Variants in ZNF469 observed in about 807,000 individuals in gnomAD.
ZNF469 encodes zinc finger protein 469.
A neutral mutation model predicts 1.0 loss-of-function variants in ZNF469; 1 was observed. That is an observed-to-expected ratio of 1.00 (90% CI 0.35 to 4.73). The LOEUF (loss-of-function observed/expected upper bound fraction) is 4.73, where lower values mean the gene tolerates loss of function less well. Among genes scored for constraint, ZNF469 ranks in the 30% most tolerant of loss-of-function variants. The pLI is 0.16. For missense variants in ZNF469, 6,100 were observed against 5,356.3 expected, an observed-to-expected ratio of 1.14 and a Z score of -4.33; for synonymous variants, 2,703 against 2,363.4, an observed-to-expected ratio of 1.14 and a Z score of -4.17.
At chr16:88,117,677 C>T in the ZNF469 span, among the ~76,000 whole-genome samples, 19 of 152,218 alleles carry the variant, frequency 1.2e-4, no homozygotes, top group Admixed American at 5.2e-4. Flanking sequence ...GGAGGTGCCA[C>T]GTGTCTTCGG....
chr16:88,437,368 G>T lies in ZNF469; in HGVS notation c.9898G>T (p.Gly3300Cys). 1 of 1,540,340 alleles carries T rather than the reference G, an allele frequency of 6.5e-7. No homozygotes were observed. Among genetic ancestry groups the T allele is most frequent in the Non-Finnish European group, 8.8e-7 (1 of 1,142,390 alleles). The part of the protein sequence containing the change: ...SASATALADA[G>C]SPGPPRTTPS... Reference sequence around the variant, plus strand: ...CTCTGCCACCGCCCTGGCTGACGCCGGCAGCCCGGGCCCCCCCAGGACGAC... The same window carrying T: ...CTCTGCCACCGCCCTGGCTGACGCCTGCAGCCCGGGCCCCCCCAGGACGAC... Residue 3300 changes from glycine (G) to cysteine (C), a missense_variant, in exon 3 of 3, where the codon GGC (glycine) becomes TGC (cysteine). By Grantham distance (159) the Gly-to-Cys change is radical. Coordinates refer to ENST00000565624, the MANE Select transcript of ZNF469 (RefSeq NM_001367624.2).
At chr16:88,131,064 G>C in the ZNF469 span, among the ~76,000 whole-genome samples, 1 of 152,252 alleles carries the variant, frequency 6.6e-6, no homozygotes, top group Admixed American at 6.5e-5. Context: ...TTTCTGGCGG[G>C]TGAAATTGCA....
At chr16:88,420,018 C>T (rs748207138) in intron 1 of ZNF469, among the ~76,000 whole-genome samples, 28 of 152,228 alleles carry the variant, frequency 1.8e-4, no homozygotes, top group Non-Finnish European at 2.6e-4. Context: ...GCAGGTTCAG[C>T]TCTCAGCCAT....
At chr16:88,275,706 G>T in the ZNF469 span, among the ~76,000 whole-genome samples, 4 of 152,196 alleles carry the variant, frequency 2.6e-5, no homozygotes, top group Non-Finnish European at 4.4e-5. Context: ...TGTTTGTCAC[G>T]AGCCTGATTT....
intron 1 of ZNF469, among the ~76,000 whole-genome samples, chr16:88,397,622 TGG>T (rs1567500415): frequency 2.8e-3 from 403 of 144,650 alleles, no homozygotes; most frequent in African/African-American, 0.01. Context: ...GATGGATGGG[TGG>T]ATGGATGGAT....
At chr16:88,132,466 A>G in the ZNF469 span, among the ~76,000 whole-genome samples, 1 of 152,178 alleles carries the variant, frequency 6.6e-6, no homozygotes, top group Non-Finnish European at 1.5e-5. Flanking sequence ...CTCCAGCTCC[A>G]TGGGGCTCGA....
the ZNF469 span, among the ~76,000 whole-genome samples, chr16:88,350,153 A>T: frequency 2.0e-5 from 3 of 152,162 alleles, no homozygotes; most frequent in African/African-American, 4.8e-5. Context: ...TAGTAACCGA[A>T]GGTCAAACAC....
the ZNF469 span, among the ~76,000 whole-genome samples, chr16:88,110,897 C>T: frequency 6.6e-6 from 1 of 152,202 alleles, no homozygotes; most frequent in African/African-American, 2.4e-5. Context: ...TGTGGGGCCT[C>T]GGGACAGGCA....
the ZNF469 span, among the ~76,000 whole-genome samples, chr16:88,113,237 G>C: frequency 3.3e-5 from 5 of 152,152 alleles, no homozygotes; most frequent in Non-Finnish European, 7.3e-5. Flanking sequence ...TGGAGGTCTT[G>C]GATTCCAGAC....
the ZNF469 span, among the ~76,000 whole-genome samples, chr16:88,213,209 C>A: frequency 1.8e-4 from 27 of 152,212 alleles, no homozygotes; most frequent in African/African-American, 6.5e-4. Flanking sequence ...CGCCACTCTC[C>A]TGCCTCAGCC....
chr16:88,193,066 ATGGTGGTGG>A, the ZNF469 span, among the ~76,000 whole-genome samples: 3 of 46,216 alleles, frequency 6.5e-5, no homozygotes, highest in East Asian at 1.2e-3. Context: ...GATGGTGGTG[ATGGTGGTGG>A]TGGTGATGGT....
the ZNF469 span, among the ~76,000 whole-genome samples, chr16:88,102,290 G>A: frequency 2.0e-5 from 3 of 152,188 alleles, no homozygotes; most frequent in East Asian, 1.9e-4. Flanking sequence ...GCCAAGGCGG[G>A]TGGATCACCT....
chr16:88,192,886 GTGGTGGTGA>G, the ZNF469 span, among the ~76,000 whole-genome samples: 1 of 18,352 alleles, frequency 5.4e-5, no homozygotes, highest in African/African-American at 2.0e-4. Flanking sequence ...GATGATGATG[GTGGTGGTGA>G]TGGTGGTGAT....
the ZNF469 span, chr16:88,302,605 T>A: frequency 1.3e-5 from 2 of 152,098 alleles, no homozygotes; most frequent in African/African-American, 4.8e-5. Flanking sequence ...AGATACAGGG[T>A]CAGGCTGTGT....
At chr16:88,380,220 C>A (rs112660336), upstream of ZNF469, among the ~76,000 whole-genome samples, 76 of 143,500 alleles carry the variant, frequency 5.3e-4, no homozygotes, top group African/African-American at 1.7e-3. Context: ...CACACAAATG[C>A]ACTCACAGAC....
chr16:88,132,296 C>T, the ZNF469 span, among the ~76,000 whole-genome samples: 9 of 152,264 alleles, frequency 5.9e-5, no homozygotes, highest in Non-Finnish European at 1.3e-4. Context: ...GACGGACGCT[C>T]TCTCTGTCCT....
the ZNF469 span, among the ~76,000 whole-genome samples, chr16:88,211,757 T>C: frequency 6.6e-6 from 1 of 152,184 alleles, no homozygotes; most frequent in Non-Finnish European, 1.5e-5. Context: ...TCTCCACAAA[T>C]TCTGTCCTTT....
At chr16:88,277,718 G>A in the ZNF469 span, among the ~76,000 whole-genome samples, 1 of 78,634 alleles carries the variant, frequency 1.3e-5, no homozygotes, top group Non-Finnish European at 2.7e-5. Context: ...ACTGACGCTT[G>A]GTCAGTACCA....
the ZNF469 span, among the ~76,000 whole-genome samples, chr16:88,104,227 T>A: frequency 5.4e-3 from 768 of 142,964 alleles, 6 homozygotes; most frequent in African/African-American, 0.019. Context: ...GGGGACGTCA[T>A]CTGCCTCCCA....
Sources: allele counts gnomAD v4.1 joint callset (sites outside exome capture counted in the v4.1 genomes callset), GRCh38; gene constraint gnomAD v4.1.1; transcripts MANE v1.5; gene names NCBI Gene and HGNC (gene_info 2026-07-23, HGNC 2026-07-21).